RPTOR: variants seen among roughly 807,000 people sequenced by gnomAD.
RPTOR encodes the protein regulatory associated protein of MTOR complex 1.
RPTOR carries 21 observed loss-of-function variants against 169.9 expected under a neutral mutation model. That is an observed-to-expected ratio of 0.12 (90% CI 0.09 to 0.18). The LOEUF is 0.18. Among genes scored for constraint, RPTOR ranks in the 10% least tolerant of loss-of-function variants. The pLI is 1.00. For synonymous variants in RPTOR, 732 were observed against 753.2 expected (o/e 0.97, Z 0.46); for missense variants, 1,133 against 1,855.9 (o/e 0.61, Z 7.16).
chr17:80,561,336 C>G (rs1396619053), intron 1 of RPTOR, among the ~76,000 whole-genome samples: 2 of 147,824 alleles, frequency 1.4e-5, no homozygotes, highest in African/African-American at 2.5e-5. Context: ...GTCTCAAACT[C>G]CTGACCTCGT....
chr17:80,891,922 CAG>C (rs1044095300), intron 18 of RPTOR, 85 bp downstream of exon 18: 26 of 907,420 alleles, frequency 2.9e-5, no homozygotes, highest in Non-Finnish European at 3.5e-5. Flanking sequence ...CTCACCCTCG[CAG>C]AGTCTAAGCG....
At chr17:80,961,154 C>T (rs904208904) in intron 30 of RPTOR, 7 of 496,920 alleles carry the variant, frequency 1.4e-5, no homozygotes, top group South Asian at 6.9e-5. Flanking sequence ...AGCGGCCTGA[C>T]GGTGACCTAG....
At position 80,963,405 on chromosome 17, in the gene RPTOR, GCGGCCCT is replaced by G. The variant is rs1200297024; in HGVS notation, c.3939+350_3939+356del. Among the ~76,000 whole-genome samples the G allele has an allele frequency of 5.9e-4, 86 of 144,590 alleles. 3 individuals are homozygous for G. The highest frequency in any genetic ancestry group is 2.1e-3 in the African/African-American group (82 of 38,846). 94.9% of individuals were successfully genotyped at this position (144,590 alleles called of 152,430 possible). A position where few individuals can be genotyped will look rare whatever the true frequency, so the allele number is the denominator to read the frequency against. On this transcript the variant is annotated intron_variant, in intron 33 of 33. Transcript: ENST00000306801. ...GTGCGGCCCTCACCCCGTCCCCTGT[GCGGCCCT>G]CACCCCGTCCCCTCTGCGGCCCTCA...
At chr17:80,780,658 T>C (rs1047484944) in intron 6 of RPTOR, among the ~76,000 whole-genome samples, 1 of 152,180 alleles carries the variant, frequency 6.6e-6, no homozygotes, top group Non-Finnish European at 1.5e-5. Flanking sequence ...AGATTGTCTT[T>C]ATTTTACATA....
chr17:80,931,075 G>A (rs906403745), intron 24 of RPTOR, among the ~76,000 whole-genome samples: 6 of 152,168 alleles, frequency 3.9e-5, no homozygotes, highest in Non-Finnish European at 7.3e-5. Context: ...TTGGCTGCAC[G>A]TGCAGAGGGT....
At chr17:80,879,605 C>T (rs1000115002) in intron 13 of RPTOR, among the ~76,000 whole-genome samples, 5 of 152,240 alleles carry the variant, frequency 3.3e-5, no homozygotes, top group Admixed American at 3.3e-4. Context: ...GCTTTCCAAG[C>T]ACCCTATGGT....
At chr17:80,608,194 C>T (rs984203980) in intron 1 of RPTOR, among the ~76,000 whole-genome samples, 2 of 152,222 alleles carry the variant, frequency 1.3e-5, no homozygotes, top group Non-Finnish European at 2.9e-5. Flanking sequence ...TGCCCGACGG[C>T]GCAGCACAGT....
intron 1 of RPTOR, among the ~76,000 whole-genome samples, chr17:80,611,307 G>A (rs1288888051): frequency 1.3e-5 from 2 of 151,950 alleles, no homozygotes; most frequent in Non-Finnish European, 2.9e-5. Context: ...TGTTGCCCAC[G>A]CTAGAGTGCC....
At chr17:80,923,944 C>G (rs146571389) in intron 23 of RPTOR, 2 of 454,788 alleles carry the variant, frequency 4.4e-6, no homozygotes, top group South Asian at 4.3e-5. Flanking sequence ...GGGTGTGTCC[C>G]GGTTCTCCGC....
chr17:80,874,632 G>A (rs551866248), intron 13 of RPTOR, among the ~76,000 whole-genome samples: 2 of 152,138 alleles, frequency 1.3e-5, no homozygotes, highest in Non-Finnish European at 2.9e-5. Context: ...TGCTGAAGTC[G>A]TGAAGAGCAG....
chr17:80,614,082 T>C (rs1425473207), intron 1 of RPTOR, among the ~76,000 whole-genome samples: 8 of 152,162 alleles, frequency 5.3e-5, no homozygotes, highest in Non-Finnish European at 4.4e-5. Context: ...GGCTGGACAC[T>C]CTCTTCATGT....
At chr17:80,809,412 C>G (rs1301092821) in intron 7 of RPTOR, among the ~76,000 whole-genome samples, 3 of 152,164 alleles carry the variant, frequency 2.0e-5, no homozygotes. Flanking sequence ...AGGCTGATCT[C>G]GAACTCCTGA....
At chr17:80,871,415 C>G (rs1481214431) in intron 13 of RPTOR, among the ~76,000 whole-genome samples, 2 of 152,174 alleles carry the variant, frequency 1.3e-5, no homozygotes, top group Non-Finnish European at 2.9e-5. Flanking sequence ...AGGAAGACCA[C>G]AGAGGGGAGT....
intron 6 of RPTOR, among the ~76,000 whole-genome samples, chr17:80,760,738 G>A (rs895625139): frequency 6.6e-6 from 1 of 152,186 alleles, no homozygotes; most frequent in Non-Finnish European, 1.5e-5. Context: ...CGGTCTGCAG[G>A]TGACCTGGAG....
intron 2 of RPTOR, among the ~76,000 whole-genome samples, chr17:80,634,767 TGC>T (rs1164051280): frequency 2.7e-5 from 4 of 147,078 alleles, no homozygotes. Flanking sequence ...GTGCGTACTG[TGC>T]GTGTGTGTAC....
At chr17:80,552,362 G>A (rs1167663145) in intron 1 of RPTOR, among the ~76,000 whole-genome samples, 9 of 152,114 alleles carry the variant, frequency 5.9e-5, no homozygotes, top group African/African-American at 2.2e-4. Flanking sequence ...TGCACACCTG[G>A]CCCCTTCTCG....
chr17:80,954,956 C>T (rs1000140001), intron 28 of RPTOR, among the ~76,000 whole-genome samples: 1 of 151,986 alleles, frequency 6.6e-6, no homozygotes, highest in Admixed American at 6.6e-5. Context: ...TCATAGACAA[C>T]GGGAATAAAA....
intron 1 of RPTOR, among the ~76,000 whole-genome samples, chr17:80,619,068 T>C (rs1029908663): frequency 1.3e-5 from 2 of 152,176 alleles, no homozygotes; most frequent in Admixed American, 6.5e-5. Flanking sequence ...TAGCTTCGGC[T>C]TTGCTCCGAG....
intron 24 of RPTOR, among the ~76,000 whole-genome samples, chr17:80,934,362 T>G (rs1453870373): frequency 6.6e-6 from 1 of 152,136 alleles, no homozygotes; most frequent in Non-Finnish European, 1.5e-5. Flanking sequence ...GAAGTTTTCT[T>G]GTTTTGTTTT....
Sources: allele counts gnomAD v4.1 joint callset (sites outside exome capture counted in the v4.1 genomes callset), GRCh38; gene constraint gnomAD v4.1.1; transcripts MANE v1.5; gene names NCBI Gene and HGNC (gene_info 2026-07-23, HGNC 2026-07-21).